EZR: variants seen among roughly 807,000 people sequenced by gnomAD.
The protein encoded by EZR is cytovillin 2.
In EZR, 40 loss-of-function variants were observed where a neutral mutation model predicts 74.8. The observed-to-expected ratio is 0.53, with a 90% CI of 0.42 to 0.70. The LOEUF (loss-of-function observed/expected upper bound fraction) is 0.70, where lower values mean the gene tolerates loss of function less well. EZR is among the 30% of genes least tolerant of loss of function. EZR has a pLI of 0.00. For synonymous variants in EZR, 341 were observed against 283.3 expected (o/e 1.20, Z -2.05); for missense variants, 678 against 755.8 (o/e 0.90, Z 1.21).
At position 158,774,672 on chromosome 6, in the gene EZR, AACACACACACACAC is replaced by A. The variant is rs56400693; in HGVS notation, c.795+1722_795+1735del. 2.9e-3 allele frequency among the ~76,000 whole-genome samples: 409 copies of A among 142,500 alleles called. 1 individual carries two copies. The highest frequency in any genetic ancestry group is 7.9e-3 in the African/African-American group (300 of 37,908). 93.5% of individuals were successfully genotyped at this position (142,500 alleles called of 152,430 possible). ...TTTTCAAGAGATGGACTTATCATCA[AACACACACACACAC>A]ACACACACACACACACACACACACA... is the stretch of plus-strand genomic sequence containing the variant. On this transcript the variant is annotated intron_variant, in intron 8 of 13. Coordinates refer to ENST00000367075, the MANE Select transcript of EZR (RefSeq NM_001111077.2).
chr6:158,785,192 G>A (rs1791541198), intron 5 of EZR, 117 bp downstream of exon 5: 1 of 1,280,194 alleles, frequency 7.8e-7, no homozygotes, highest in Admixed American at 2.2e-5. Context: ...TAGCATGAAG[G>A]AGCACTTGAC....
intron 2 of EZR, among the ~76,000 whole-genome samples, chr6:158,803,624 T>TAC (rs796122866): frequency 3.2e-5 from 1 of 30,916 alleles, no homozygotes; most frequent in Admixed American, 3.9e-4. Context: ...TATATATATA[T>TAC]ACATATACAT....
At chr6:158,767,582 T>C in intron 12 of EZR, 70 bp from the exon 13 acceptor site, 1 of 1,473,224 alleles carries the variant, frequency 6.8e-7, no homozygotes, top group South Asian at 1.3e-5. Context: ...GAGAACAGAC[T>C]GTCACCTCCC....
In EZR at chr6:158,770,757, G is replaced by A. The variant is rs530513639; in HGVS notation, c.1090+7C>T. The A allele has an allele frequency of 7.4e-6, 12 of 1,614,092 alleles. No individual in the cohort carries two copies. In the Admixed American group the frequency reaches 1.0e-4, roughly 13 times the overall value. On this transcript the variant is annotated splice_region_variant and intron_variant, in intron 10 of 13. Coordinates refer to ENST00000367075, the MANE Select transcript of EZR (RefSeq NM_001111077.2). ...CAGTGTAGAGTGCCAGCCCCAGGGC[G>A]CCTGACCTCTCTCTGCCTTCTTTGT... is the stretch of plus-strand genomic sequence containing the variant.
At chr6:158,797,124 G>A (rs2128573050) in intron 2 of EZR, among the ~76,000 whole-genome samples, 1 of 152,134 alleles carries the variant, frequency 6.6e-6, no homozygotes, top group African/African-American at 2.4e-5. Flanking sequence ...TAAACTTATA[G>A]GTTACCTCTA....
At position 158,784,674 on chromosome 6, in the gene EZR, A is replaced by C; in HGVS notation, c.521T>G (p.Val174Gly). ...CATCCCACGGTGTTCCGCATGCCAC[A>C]CCTGGATCCGGTCCTCCCACTGGTC... ...TRDQWEDRIQ[V>G]WHAEHRGMLK... Residue 174 changes from valine to glycine, a missense_variant, in exon 6 of 14, where the codon GTG becomes GGG. By Grantham distance (109) the Val-to-Gly change is moderately radical (BLOSUM62 -3). Around this residue, in one of 3 missense-constraint regions of EZR, gnomAD observed 217 missense variants for 232.2 expected, o/e 0.93. Transcript: ENST00000367075. 1 of 1,614,138 alleles carries C rather than the reference A, an allele frequency of 6.2e-7. No individual in the cohort carries two copies. Among genetic ancestry groups the C allele is most frequent in the Non-Finnish European group, 8.5e-7 (1 of 1,180,020 alleles).
chr6:158,778,894 T>C (rs1374832575), intron 7 of EZR, among the ~76,000 whole-genome samples: 1 of 152,152 alleles, frequency 6.6e-6, no homozygotes, highest in Non-Finnish European at 1.5e-5. Flanking sequence ...AGAAATTGGC[T>C]CCTTATAGAA....
chr6:158,770,693 G>T, intron 10 of EZR, 71 bp downstream of exon 10: 2 of 1,577,436 alleles, frequency 1.3e-6, no homozygotes, highest in Non-Finnish European at 1.7e-6. Flanking sequence ...GAGTGGGTGG[G>T]TGGGTGTGGC....
At chr6:158,785,901 A>G (rs116970945) in intron 4 of EZR, among the ~76,000 whole-genome samples, 4,029 of 152,126 alleles carry the variant, frequency 0.026, 70 homozygotes, top group South Asian at 0.057. Flanking sequence ...TTTAAAAAAA[A>G]GTTAGCTGGG....
At chr6:158,799,042 C>A (rs1207719910) in intron 2 of EZR, among the ~76,000 whole-genome samples, 1 of 152,166 alleles carries the variant, frequency 6.6e-6, no homozygotes, top group Non-Finnish European at 1.5e-5. Context: ...CTCTCTCCCC[C>A]AGCCCTATTC....
At chr6:158,787,236 G>A (rs1193182819) in intron 3 of EZR, 33 bp from the exon 4 acceptor site, 1 of 1,576,782 alleles carries the variant, frequency 6.3e-7, no homozygotes, top group Non-Finnish European at 8.7e-7. Flanking sequence ...CAACACTCAT[G>A]AGAAACTCAC....
chr6:158,787,309 C>T (rs1432058814), intron 3 of EZR, 106 bp from the exon 4 acceptor site: 10 of 824,416 alleles, frequency 1.2e-5, no homozygotes, highest in African/African-American at 1.7e-5. Flanking sequence ...CCCAGGAAAC[C>T]AGGACATCTG....
rs1314740356 is a variant in EZR at position 158,765,749 on chromosome 6, G to A, written c.*1165C>T. ...CAAGCACACACCCGTGCTGCTTCGTGCCTTTGCAAAGCTTTTATTTCATGT... is the reference window on the plus strand; with the variant it reads ...CAAGCACACACCCGTGCTGCTTCGTACCTTTGCAAAGCTTTTATTTCATGT... On this transcript the variant is annotated 3_prime_UTR_variant, in exon 14 of 14. Transcript: ENST00000367075. 6.6e-6 allele frequency: 1 copy of A among 152,292 alleles called. No individual in the cohort carries two copies. The highest frequency in any genetic ancestry group is 1.5e-5 in the Non-Finnish European group (1 of 68,064). The allele number at this position is 152,292 out of a possible 1,614,324, so 9.4% of individuals were successfully genotyped here. A position where few individuals can be genotyped will look rare whatever the true frequency, so the allele number is the denominator to read the frequency against.
At chr6:158,818,695 G>C (rs1453467247) in intron 1 of EZR, among the ~76,000 whole-genome samples, 1 of 151,274 alleles carries the variant, frequency 6.6e-6, no homozygotes, top group Admixed American at 6.6e-5. Context: ...AGGGATACCC[G>C]GCGGGGAAAG....
chr6:158,772,600 G>C (rs146360172), intron 8 of EZR, among the ~76,000 whole-genome samples: 46 of 152,320 alleles, frequency 3.0e-4, no homozygotes, highest in African/African-American at 1.0e-3. Flanking sequence ...ACCATGACTG[G>C]AAACATTTGG....
rs187290841 is a variant in EZR at position 158,789,188 on chromosome 6, G to A, written c.96+100C>T. The A allele has an allele frequency of 2.6e-5, 21 of 801,554 alleles. No homozygotes were observed. The East Asian group carries it at 5.6e-4, about 21-fold the overall frequency. The allele number at this position is 801,554 out of a possible 1,614,324, so 49.7% of individuals were successfully genotyped here. On this transcript the variant is annotated intron_variant, in intron 3 of 13. Coordinates refer to ENST00000367075, the MANE Select transcript of EZR (RefSeq NM_001111077.2). ...ATCCTTCTCATCTATTACCTCAAGT[G>A]AGTAAAACAAGGTAATATGCTTCGC...
intron 7 of EZR, among the ~76,000 whole-genome samples, chr6:158,780,169 T>G (rs1791392697): frequency 7.8e-6 from 1 of 127,462 alleles, no homozygotes; most frequent in Non-Finnish European, 1.6e-5. Flanking sequence ...GGTGACACAG[T>G]GAGATTCCAT....
intron 2 of EZR, among the ~76,000 whole-genome samples, chr6:158,808,268 T>C (rs1274153553): frequency 6.6e-6 from 1 of 152,128 alleles, no homozygotes; most frequent in African/African-American, 2.4e-5. Flanking sequence ...AGGGGGAGTA[T>C]GTTAAGTAAG....
rs748259286 is a variant in EZR, at chr6:158,776,423, G to A, written c.780C>T (p.Ile260=). ...FNDKKFVIKP[I]DKKAPDFVFY... ...TGGAACTTACAGGTGCCTTCTTGTCGATGGGTTTAATGACAAACTTTTTGT... is the reference window on the plus strand; with the variant it reads ...TGGAACTTACAGGTGCCTTCTTGTCAATGGGTTTAATGACAAACTTTTTGT... Residue 260 remains isoleucine (I), a synonymous_variant, in exon 8 of 14, where the codon ATC becomes ATT. Coordinates refer to ENST00000367075, the MANE Select transcript of EZR (RefSeq NM_001111077.2). 4.1e-5 allele frequency: 66 copies of A among 1,613,512 alleles called. No homozygotes were observed. In the South Asian group the frequency reaches 6.0e-4, roughly 15 times the overall value.
Sources: allele counts gnomAD v4.1 joint callset (sites outside exome capture counted in the v4.1 genomes callset), GRCh38; gene constraint gnomAD v4.1.1; regional missense constraint gnomAD v4.1.1; transcripts MANE v1.5; gene names NCBI Gene and HGNC (gene_info 2026-07-23, HGNC 2026-07-21).